Variants in MUC20 observed in about 807,000 individuals in gnomAD.
The protein encoded by MUC20 is mucin-20.
In MUC20, 14 loss-of-function variants were observed where a neutral mutation model predicts 23.8. That is an observed-to-expected ratio of 0.59 (90% CI 0.39 to 0.92). The LOEUF is 0.92. Ranked by LOEUF, MUC20 falls within the 40% of genes least tolerant of loss-of-function variation. MUC20 has a pLI of 0.00. For missense variants in MUC20, 375 were observed against 668.8 expected (o/e 0.56, Z 4.85); for synonymous variants, 166 against 279.3 (o/e 0.59, Z 4.04).
In MUC20 at chr3:195,722,215, C is replaced by G. The variant is rs1484440708; in HGVS notation, c.76+1132C>G. On this transcript the variant is annotated intron_variant, in intron 1 of 3. Coordinates refer to ENST00000447234, the MANE Select transcript of MUC20 (RefSeq NM_001282506.2). ...CCCTGCAAGATCGGCCCTGTTTTTA[C>G]CACCCCCCACCTCCACTGCTTTAAG... is the stretch of plus-strand genomic sequence containing the variant. 6 of 625,976 alleles carry G rather than the reference C, an allele frequency of 9.6e-6. No individual in the cohort carries two copies. The African/African-American group carries it at 1.3e-4, about 13-fold the overall frequency. 38.8% of individuals were successfully genotyped at this position (625,976 alleles called of 1,614,324 possible).
chr3:195,723,536 A>ATT (rs11382863), intron 1 of MUC20, among the ~76,000 whole-genome samples: 3 of 101,646 alleles, frequency 3.0e-5, no homozygotes, highest in African/African-American at 1.4e-4. Context: ...TCAGGTAACA[A>ATT]TTTTTTTTAA....
chr3:195,733,054 C>A, intron 3 of MUC20, 96 bp from the exon 4 acceptor site: 1 of 1,353,476 alleles, frequency 7.4e-7, no homozygotes, highest in Non-Finnish European at 1.0e-6. Context: ...CCGTCCTCCG[C>A]ATGCACTCTG....
intron 1 of MUC20, among the ~76,000 whole-genome samples, 172 bp downstream of exon 1, chr3:195,721,255 CAGTG>C (rs1352202792): frequency 1.4e-3 from 141 of 102,276 alleles, no homozygotes; most frequent in African/African-American, 4.9e-3. Flanking sequence ...GTGCAAATGA[CAGTG>C]TGAGTGTAAG....
intron 1 of MUC20, among the ~76,000 whole-genome samples, chr3:195,723,016 A>C (rs1428883808): frequency 1.6e-5 from 2 of 127,278 alleles, no homozygotes; most frequent in East Asian, 2.1e-4. Context: ...AAGCCCTTTC[A>C]CCTTCTCCGC....
chr3:195,726,310 C>T lies in MUC20; in HGVS notation c.1707C>T (p.Ser569=). ...GCAAAACAACTTCCTTTGCTGGGAGCTCTGCTTCCTCCTACAGCCCCTCGG... is the reference window on the plus strand; with the variant it reads ...GCAAAACAACTTCCTTTGCTGGGAGTTCTGCTTCCTCCTACAGCCCCTCGG... ...AVGKTTSFAG[S]SASSYSPSEA... The change falls in exon 2 of 4, where the codon AGC becomes AGT. Residue 569 remains serine (S), a synonymous_variant. Transcript: ENST00000447234. 1.2e-6 allele frequency: 2 copies of T among 1,614,082 alleles called. No individual in the cohort carries two copies. The highest frequency in any genetic ancestry group is 1.7e-6 in the Non-Finnish European group (2 of 1,179,904).
chr3:195,731,241 C>T (rs1431017688), intron 3 of MUC20, among the ~76,000 whole-genome samples: 2 of 152,228 alleles, frequency 1.3e-5, no homozygotes, highest in Non-Finnish European at 2.9e-5. Flanking sequence ...TGCCACACTG[C>T]TGAAAAGTGG....
intron 1 of MUC20, chr3:195,722,713 C>T (rs1457482017): frequency 2.2e-5 from 21 of 976,344 alleles, no homozygotes; most frequent in Non-Finnish European, 2.3e-5. Context: ...CCACTCTGGG[C>T]TTCCAGCTGT....
chr3:195,729,631 C>T lies in MUC20; in HGVS notation c.1970-17C>T, dbSNP rs374834789. On this transcript the variant is annotated splice_polypyrimidine_tract_variant and intron_variant, in intron 2 of 3. Transcript: ENST00000447234. ...GCGCCCAGCCCTGATTTTCATCTTA[C>T]TGTTCTCCATTTGCAGGTGAAAATG... The T allele has an allele frequency of 5.6e-5, 88 of 1,563,508 alleles. No individual in the cohort carries two copies. The African/African-American group carries it at 1.0e-3, about 18-fold the overall frequency.
intron 1 of MUC20, among the ~76,000 whole-genome samples, chr3:195,723,633 C>A (rs1712369276): frequency 1.2e-5 from 1 of 82,474 alleles, no homozygotes; most frequent in Non-Finnish European, 2.4e-5. Flanking sequence ...TCAAATTTAA[C>A]CGAGTACCCT....
intron 3 of MUC20, among the ~76,000 whole-genome samples, chr3:195,731,629 A>G (rs1399972916): frequency 6.6e-5 from 10 of 152,274 alleles, no homozygotes; most frequent in African/African-American, 2.2e-4. Context: ...GCCAAGGGGC[A>G]TCACGTGGCC....
At chr3:195,730,600 T>C (rs1241514933) in intron 3 of MUC20, among the ~76,000 whole-genome samples, 2 of 152,194 alleles carry the variant, frequency 1.3e-5, no homozygotes, top group African/African-American at 2.4e-5. Context: ...TCCACCCGTC[T>C]TGGCCTCCCA....
Position 195,733,292 on chromosome 3 carries a change from C to T in MUC20, c.*74C>T. On this transcript the variant is annotated 3_prime_UTR_variant, in exon 4 of 4. Coordinates refer to ENST00000447234, the MANE Select transcript of MUC20 (RefSeq NM_001282506.2). ...TGCCCCTAGCCTGGGCCCCCACCGACAGACTGCAGCTGCGTTACTGTGCTG... is the reference window on the plus strand; with the variant it reads ...TGCCCCTAGCCTGGGCCCCCACCGATAGACTGCAGCTGCGTTACTGTGCTG... 1 of 1,551,072 alleles carries T rather than the reference C, an allele frequency of 6.4e-7. No homozygotes were observed. Among genetic ancestry groups the T allele is most frequent in the South Asian group, 1.2e-5 (1 of 83,798 alleles).
Position 195,726,614 on chromosome 3 carries a change from G to A in MUC20, c.1969+42G>A, listed in dbSNP as rs774474416. 119 of 1,575,128 alleles carry A rather than the reference G, an allele frequency of 7.6e-5. No homozygotes were observed. In the East Asian group the frequency reaches 7.9e-4, roughly 10 times the overall value. ...GGTGATCTTCGGGGATTTGGGATGCGGAGTTTCCAGGACGTCTCCGCACTT... is the reference window on the plus strand; with the variant it reads ...GGTGATCTTCGGGGATTTGGGATGCAGAGTTTCCAGGACGTCTCCGCACTT... On this transcript the variant is annotated intron_variant, in intron 2 of 3. Coordinates refer to ENST00000447234, the MANE Select transcript of MUC20 (RefSeq NM_001282506.2).
intron 3 of MUC20, 90 bp downstream of exon 3, chr3:195,729,829 G>C (rs916817356): frequency 7.9e-7 from 1 of 1,262,784 alleles, no homozygotes; most frequent in Non-Finnish European, 1.1e-6. Context: ...CAGAAGAGCA[G>C]CTACCGCGCT....
intron 1 of MUC20, chr3:195,722,150 G>A: frequency 3.2e-6 from 2 of 622,738 alleles, no homozygotes; most frequent in Non-Finnish European, 4.0e-6. Flanking sequence ...CTACTTTGAT[G>A]CATCATTATC....
At chr3:195,723,619 A>G (rs2550226) in intron 1 of MUC20, among the ~76,000 whole-genome samples, 46,353 of 74,348 alleles carry the variant, frequency 0.62, 14,288 homozygotes, top group East Asian at 0.71. Flanking sequence ...TCTGAAATGC[A>G]AGTTCAAATT....
chr3:195,730,122 A>G (rs1713223830), intron 3 of MUC20: 1 of 182,666 alleles, frequency 5.5e-6, no homozygotes, highest in Non-Finnish European at 1.1e-5. Flanking sequence ...AAAAAAAAAA[A>G]GGCAAGGTCT....
At chr3:195,727,922 T>C (rs1712881202) in intron 2 of MUC20, among the ~76,000 whole-genome samples, 1 of 150,786 alleles carries the variant, frequency 6.6e-6, no homozygotes. Flanking sequence ...GCTTTGCATA[T>C]GTTATCTGAT....
At chr3:195,723,189 C>T (rs1342509623) in intron 1 of MUC20, among the ~76,000 whole-genome samples, 4 of 150,376 alleles carry the variant, frequency 2.7e-5, no homozygotes, top group African/African-American at 9.8e-5. Context: ...GGCGGCACAG[C>T]GGGAGCTGCA....
Sources: allele counts gnomAD v4.1 joint callset (sites outside exome capture counted in the v4.1 genomes callset), GRCh38; gene constraint gnomAD v4.1.1; transcripts MANE v1.5; gene names NCBI Gene and HGNC (gene_info 2026-07-23, HGNC 2026-07-21).